PBRM1: variants seen among roughly 807,000 people sequenced by gnomAD.
The protein encoded by PBRM1 is polybromo 1, also known as protein polybromo-1.
A neutral mutation model predicts 194.5 loss-of-function variants in PBRM1; 27 were observed. The observed-to-expected ratio is 0.14, with a 90% CI of 0.10 to 0.19. The LOEUF (loss-of-function observed/expected upper bound fraction) is 0.19, where lower values mean the gene tolerates loss of function less well. PBRM1 is among the 10% of genes least tolerant of loss of function. The probability of loss-of-function intolerance (pLI) is 1.00; values close to 1 mark genes in which losing one functional copy is unlikely to be tolerated. For synonymous variants in PBRM1, 655 were observed against 693.2 expected (o/e 0.94, Z 0.87); for missense variants, 1,466 against 2,077.2 (o/e 0.71, Z 5.72).
Position 52,579,346 on chromosome 3 carries a change from G to T in PBRM1, c.3388-147C>A. 5.6e-6 allele frequency: 4 copies of T among 710,628 alleles called. No homozygotes were observed. The South Asian group carries it at 7.3e-5, about 13-fold the overall frequency. The allele number at this position is 710,628 out of a possible 1,614,324, so 44.0% of individuals were successfully genotyped here. A position where few individuals can be genotyped will look rare whatever the true frequency, so the allele number is the denominator to read the frequency against. ...GGCTCACGTAATCCCAGCATTTTGG[G>T]AGGCCAAGGCAGGACGATCGCTTGA... On this transcript the variant is annotated intron_variant, in intron 20 of 29. Coordinates refer to ENST00000296302, the Ensembl canonical transcript of PBRM1.
intron 4 of PBRM1, among the ~76,000 whole-genome samples, chr3:52,660,606 G>A (rs568224118): frequency 3.3e-5 from 5 of 151,978 alleles, no homozygotes; most frequent in Non-Finnish European, 5.9e-5. Flanking sequence ...TCTGCCTCCC[G>A]GGTTCAAGCG....
intron 10 of PBRM1, among the ~76,000 whole-genome samples, chr3:52,636,858 TA>T (rs11379683): frequency 1.1e-3 from 155 of 137,414 alleles, no homozygotes; most frequent in African/African-American, 9.7e-4. Context: ...GACTCCGCCT[TA>T]AAAAAAAAAA....
At chr3:52,627,285 G>A (rs2153578308) in exon 13 of PBRM1, 1 of 1,597,618 alleles carries the variant, frequency 6.3e-7, no homozygotes, top group African/African-American at 1.3e-5. Context: ...TTTTCTTTTG[G>A]CACTACCAGT....
rs2096713253 is a variant in PBRM1 at position 52,661,047 on chromosome 3, A to ATTTTTT, written c.528+1085_528+1086insAAAAAA. Among the ~76,000 whole-genome samples, 4 of 150,826 alleles carry ATTTTTT rather than the reference A, an allele frequency of 2.7e-5. No individual in the cohort carries two copies. The South Asian group carries it at 8.4e-4, about 32-fold the overall frequency. On this transcript the variant is annotated intron_variant, in intron 4 of 29. Coordinates refer to ENST00000296302, the Ensembl canonical transcript of PBRM1. ...TTTCTGTCTTTCATTTTTTTTTGAG[A>ATTTTTT]TGGAGTCTCATTCTGTCGCCCAGTC...
In PBRM1 at chr3:52,648,461, T is replaced by G. The variant is rs544265224; in HGVS notation, c.715-19A>C. 6.0e-6 allele frequency: 8 copies of G among 1,325,130 alleles called. No individual in the cohort carries two copies. In the African/African-American group the frequency reaches 1.0e-4, roughly 17 times the overall value. 82.1% of individuals were successfully genotyped at this position (1,325,130 alleles called of 1,614,324 possible). On this transcript the variant is annotated intron_variant, in intron 6 of 29. Coordinates refer to ENST00000296302, the Ensembl canonical transcript of PBRM1. ...TTCCATTCTACAATAAACAACAAAA[T>G]ATAGCAGTTCCTTTTAATGAGAGTT...
intron 13 of PBRM1, among the ~76,000 whole-genome samples, chr3:52,625,519 TAA>T (rs2095418192): frequency 6.6e-6 from 1 of 152,226 alleles, no homozygotes; most frequent in Admixed American, 6.6e-5. Flanking sequence ...AACCTGTTTG[TAA>T]AGAGACTTTT....
intron 17 of PBRM1, among the ~76,000 whole-genome samples, chr3:52,592,779 C>T (rs2093214288): frequency 6.6e-6 from 1 of 152,152 alleles, no homozygotes; most frequent in Non-Finnish European, 1.5e-5. Flanking sequence ...GTGAATTCAC[C>T]TGGTCCTGGG....
Position 52,582,205 on chromosome 3 carries a change from G to A in PBRM1, c.3388-3006C>T, listed in dbSNP as rs528560840. ...TGCAGTGAGCTGAGATTGCGCCACT[G>A]CACTCCAGCCTGGGCGACAGAGCGA... On this transcript the variant is annotated intron_variant, in intron 20 of 29. Transcript: ENST00000296302. 7.1e-3 allele frequency among the ~76,000 whole-genome samples: 991 copies of A among 139,660 alleles called. 14 individuals carry two copies. Among genetic ancestry groups the A allele is most frequent in the African/African-American group, 0.025 (936 of 37,016 alleles). The allele number at this position is 139,660 out of a possible 152,430, so 91.6% of individuals were successfully genotyped here.
At chr3:52,582,939 T>C (rs961136843) in intron 20 of PBRM1, among the ~76,000 whole-genome samples, 2 of 148,298 alleles carry the variant, frequency 1.3e-5, no homozygotes, top group African/African-American at 5.0e-5. Flanking sequence ...CTACTAAAAA[T>C]ACAAAAAATT....
chr3:52,602,291 C>T (rs1397077632), intron 17 of PBRM1, among the ~76,000 whole-genome samples: 2 of 152,172 alleles, frequency 1.3e-5, no homozygotes, highest in Non-Finnish European at 2.9e-5. Context: ...GGAAACCTGA[C>T]ACTAGGGGTT....
intron 20 of PBRM1, among the ~76,000 whole-genome samples, chr3:52,583,421 A>C (rs867377917): frequency 2.0e-4 from 31 of 152,230 alleles, no homozygotes; most frequent in African/African-American, 5.8e-4. Context: ...AAAAAACAAA[A>C]AAAAAAACAC....
At position 52,603,805 on chromosome 3, in the gene PBRM1, C is replaced by A. The variant is rs146326828; in HGVS notation, c.2568-73G>T. Reference sequence around the variant, plus strand: ...AAACACCTCAATTATATGTTAAATTCTATTAAATGCTTCTTTAATTGATAT... The same window carrying A: ...AAACACCTCAATTATATGTTAAATTATATTAAATGCTTCTTTAATTGATAT... On this transcript the variant is annotated intron_variant, in intron 16 of 29. Transcript: ENST00000296302. The A allele has an allele frequency of 2.0e-5, 25 of 1,249,718 alleles. No individual in the cohort carries two copies. The East Asian group carries it at 5.8e-4, about 29-fold the overall frequency. The allele number at this position is 1,249,718 out of a possible 1,614,324, so 77.4% of individuals were successfully genotyped here.
chr3:52,588,794 G>A (rs2092720738), intron 18 of PBRM1, among the ~76,000 whole-genome samples: 1 of 151,940 alleles, frequency 6.6e-6, no homozygotes, highest in South Asian at 2.1e-4. Context: ...CTGACCTTGT[G>A]ATCTGCCCGC....
chr3:52,653,036 A>G (rs2096538603), intron 5 of PBRM1, among the ~76,000 whole-genome samples: 1 of 152,154 alleles, frequency 6.6e-6, no homozygotes, highest in Admixed American at 6.5e-5. Flanking sequence ...AGAATTATAC[A>G]ATTTTTCATT....
Position 52,617,542 on chromosome 3 carries a change from T to C in PBRM1, c.1542-4A>G, listed in dbSNP as rs908874965. ...CTGCTTTCTTATGTTCTTTTTACTG[T>C]TGAGGGGGAGGTAGAAAAGGGGAAA... On this transcript the variant is annotated splice_region_variant and splice_polypyrimidine_tract_variant and intron_variant, in intron 13 of 29. Coordinates refer to ENST00000296302, the Ensembl canonical transcript of PBRM1. 5 of 1,592,812 alleles carry C rather than the reference T, an allele frequency of 3.1e-6. No individual in the cohort carries two copies. The highest frequency in any genetic ancestry group is 1.1e-5 in the South Asian group (1 of 88,214).
At chr3:52,682,337 T>A (rs1352964253), upstream of PBRM1, 1 of 145,942 alleles carries the variant, frequency 6.9e-6, no homozygotes, top group Non-Finnish European at 1.5e-5. Context: ...AAAAGTCCTA[T>A]CTGCATTGGA....
At chr3:52,616,100 C>T (rs1001684704) in intron 14 of PBRM1, among the ~76,000 whole-genome samples, 3 of 152,170 alleles carry the variant, frequency 2.0e-5, no homozygotes, top group Non-Finnish European at 4.4e-5. Context: ...AATAAGTGAC[C>T]TCCCTTGTCT....
At chr3:52,589,494 G>T (rs1343967004) in intron 17 of PBRM1, among the ~76,000 whole-genome samples, 1 of 152,074 alleles carries the variant, frequency 6.6e-6, no homozygotes, top group African/African-American at 2.4e-5. Flanking sequence ...CTACACAAAG[G>T]ATGTAGAGAA....
rs774153419 is a variant in PBRM1 at position 52,609,346 on chromosome 3, A to C, written c.2534T>G (p.Phe845Cys). Residue 845 changes from phenylalanine (F) to cysteine (C), a missense_variant, in exon 16 of 30, where the codon TTT becomes TGT. Coordinates refer to ENST00000296302, the Ensembl canonical transcript of PBRM1. This position sits in a 1 kb window ranked among gnomAD's most constrained non-coding sequence, Gnocchi z 4.1. ...CCTTCTTGCTCGTTCCAATACTTCAAACATATGCTCTTGAAATAAATCAAG... is the reference window on the plus strand; with the variant it reads ...CCTTCTTGCTCGTTCCAATACTTCACACATATGCTCTTGAAATAAATCAAG... 1.2e-6 allele frequency: 2 copies of C among 1,613,854 alleles called. No individual in the cohort carries two copies. The highest frequency in any genetic ancestry group is 2.7e-5 in the African/African-American group (2 of 74,944).
Sources: gnomAD v4.1 joint callset for allele counts (sites outside exome capture counted in the v4.1 genomes callset) on GRCh38, gnomAD v4.1.1 for gene constraint, Gnocchi (gnomAD v3.1) non-coding constraint, MANE v1.5 for transcripts, NCBI Gene and HGNC (gene_info 2026-07-23, HGNC 2026-07-21) for gene names.